Variants in C2orf69 observed in about 807,000 individuals in gnomAD.
The protein encoded by C2orf69 is mitochondrial protein C2orf69.
Under a neutral mutation model 29.5 loss-of-function variants are expected in C2orf69, and 19 were observed. That is an observed-to-expected ratio of 0.65 (90% CI 0.45 to 0.95). C2orf69 has a LOEUF of 0.95. C2orf69 is among the 40% of genes least tolerant of loss of function. The probability of loss-of-function intolerance (pLI) is 0.00; values close to 1 mark genes in which losing one functional copy is unlikely to be tolerated. For missense variants in C2orf69, 416 were observed against 482.1 expected, an observed-to-expected ratio of 0.86 and a Z score of 1.28; for synonymous variants, 194 against 180.0, an observed-to-expected ratio of 1.08 and a Z score of -0.62.
chr2:199,912,163 C>T (rs778105326), intron 1 of C2orf69, among the ~76,000 whole-genome samples: 45 of 152,042 alleles, frequency 3.0e-4, no homozygotes, highest in Non-Finnish European at 3.5e-4. Flanking sequence ...TAAGTTAGCA[C>T]GTAGTGTTTA....
At chr2:199,921,291 C>T (rs1370948891) in intron 1 of C2orf69, among the ~76,000 whole-genome samples, 2 of 152,026 alleles carry the variant, frequency 1.3e-5, no homozygotes, top group East Asian at 3.9e-4. Context: ...CAGACGTGAG[C>T]TACTGTGCCC....
Position 199,911,305 on chromosome 2 carries a change from C to G in C2orf69, c.-134C>G. 1 of 1,095,668 alleles carries G rather than the reference C, an allele frequency of 9.1e-7. No individual in the cohort carries two copies. The highest frequency in any genetic ancestry group is 1.2e-6 in the Non-Finnish European group (1 of 825,986). The allele number at this position is 1,095,668 out of a possible 1,614,324, so 67.9% of individuals were successfully genotyped here. Reference sequence around the variant, plus strand: ...CGCGGACGTCGGCCTCTGACGTCGTCGCCTCAGCGCCGGCTCCCGGCCGGG... The same window carrying G: ...CGCGGACGTCGGCCTCTGACGTCGTGGCCTCAGCGCCGGCTCCCGGCCGGG... On this transcript the variant is annotated 5_prime_UTR_variant, in exon 1 of 2. Transcript: ENST00000319974.
In C2orf69 at chr2:199,925,342, A is replaced by T; in HGVS notation, c.614A>T (p.Lys205Ile). 1 of 1,613,526 alleles carries T rather than the reference A, an allele frequency of 6.2e-7. No homozygotes were observed. Among genetic ancestry groups the T allele is most frequent in the Non-Finnish European group, 8.5e-7 (1 of 1,179,716 alleles). ...TTAAGTCAGAATAGTTTATCAAAGAAAAGTTTGAATGTTTGGAATAAGGAC... is the reference window on the plus strand; with the variant it reads ...TTAAGTCAGAATAGTTTATCAAAGATAAGTTTGAATGTTTGGAATAAGGAC... The part of the protein sequence containing the change: ...FNLSQNSLSK[K>I]SLNVWNKDSI... Residue 205 changes from lysine (K) to isoleucine (I), a missense_variant, in exon 2 of 2, where the codon AAA (lysine) becomes ATA (isoleucine). Coordinates refer to ENST00000319974, the MANE Select transcript of C2orf69 (RefSeq NM_153689.6). This position sits in a 1 kb window ranked among gnomAD's most constrained non-coding sequence, Gnocchi z 4.9.
At position 199,926,146 on chromosome 2, in the gene C2orf69, A is replaced by G; in HGVS notation, c.*260A>G. ...GTTTGTAATAATGCTGAGGAGATAT[A>G]AGACCCTTAAAATGAAAGTTACAAC... On this transcript the variant is annotated 3_prime_UTR_variant, in exon 2 of 2. Coordinates refer to ENST00000319974, the MANE Select transcript of C2orf69 (RefSeq NM_153689.6). 2 of 348,308 alleles carry G rather than the reference A, an allele frequency of 5.7e-6. No individual in the cohort carries two copies. The highest frequency in any genetic ancestry group is 1.1e-5 in the Non-Finnish European group (2 of 190,292). 21.6% of individuals were successfully genotyped at this position (348,308 alleles called of 1,614,324 possible). A position where few individuals can be genotyped will look rare whatever the true frequency, so the allele number is the denominator to read the frequency against.
chr2:199,922,373 C>T (rs1214127427), intron 1 of C2orf69, among the ~76,000 whole-genome samples: 1 of 152,002 alleles, frequency 6.6e-6, no homozygotes, highest in Non-Finnish European at 1.5e-5. Context: ...AGATTATAGG[C>T]GTGAACCGCC....
intron 1 of C2orf69, among the ~76,000 whole-genome samples, chr2:199,914,781 A>G (rs576532269): frequency 2.0e-5 from 3 of 152,270 alleles, no homozygotes; most frequent in East Asian, 3.9e-4. Flanking sequence ...ACAGCCTTCC[A>G]AGTAGATGAC....
intron 1 of C2orf69, among the ~76,000 whole-genome samples, chr2:199,914,486 C>G (rs1222180949): frequency 6.6e-6 from 1 of 152,084 alleles, no homozygotes; most frequent in Non-Finnish European, 1.5e-5. Context: ...TTCAGTGTAT[C>G]TAAAGTAATC....
Position 199,927,636 on chromosome 2 carries a change from A to G in C2orf69, c.*1750A>G. ...TTCTTTAAATACCTCGTTTCTTTTGAGACCAAAAATTCCCATCAAGGAAAT... is the reference window on the plus strand; with the variant it reads ...TTCTTTAAATACCTCGTTTCTTTTGGGACCAAAAATTCCCATCAAGGAAAT... On this transcript the variant is annotated 3_prime_UTR_variant, in exon 2 of 2. Transcript: ENST00000319974. The G allele has an allele frequency of 6.7e-6, 1 of 149,472 alleles. No homozygotes were observed. Among genetic ancestry groups the G allele is most frequent in the Non-Finnish European group, 1.5e-5 (1 of 67,588 alleles). 9.3% of individuals were successfully genotyped at this position (149,472 alleles called of 1,614,324 possible).
At position 199,926,843 on chromosome 2, in the gene C2orf69, CATT is replaced by C. The variant is rs925505712; in HGVS notation, c.*960_*962del. The stretch of plus-strand genomic sequence containing the variant: ...ACTACAGAGCAAATTTCAAATTTTT[CATT>C]ATATCAGTCTTTTTGAAAGGATCAA... On this transcript the variant is annotated 3_prime_UTR_variant, in exon 2 of 2. Coordinates refer to ENST00000319974, the MANE Select transcript of C2orf69 (RefSeq NM_153689.6). 3.3e-5 allele frequency: 5 copies of C among 152,482 alleles called. No individual in the cohort carries two copies. The highest frequency in any genetic ancestry group is 1.2e-4 in the African/African-American group (5 of 41,394). The allele number at this position is 152,482 out of a possible 1,614,324, so 9.4% of individuals were successfully genotyped here.
At chr2:199,911,824 C>T in intron 1 of C2orf69, 53 bp downstream of exon 1, 1 of 1,534,548 alleles carries the variant, frequency 6.5e-7, no homozygotes, top group Admixed American at 2.0e-5. Context: ...TATACGTACG[C>T]GGTCACTGAT....
intron 1 of C2orf69, among the ~76,000 whole-genome samples, chr2:199,912,859 T>C (rs925162466): frequency 6.6e-6 from 1 of 151,984 alleles, no homozygotes; most frequent in African/African-American, 2.4e-5. Flanking sequence ...CAGGCTGGTC[T>C]CGAACTTCTG....
chr2:199,923,527 G>A (rs973393860), intron 1 of C2orf69, among the ~76,000 whole-genome samples: 3 of 152,126 alleles, frequency 2.0e-5, no homozygotes, highest in African/African-American at 7.2e-5. Flanking sequence ...TACTTTTTCA[G>A]CTGTAAATTT....
At position 199,913,227 on chromosome 2, in the gene C2orf69, TA is replaced by T. The variant is rs1174949071; in HGVS notation, c.333+1457del. On this transcript the variant is annotated intron_variant, in intron 1 of 1. Transcript: ENST00000319974. ...TATATAATATATTATATATAATATA[TA>T]TTATAATATATATAATATATATTAT... 2.1e-4 allele frequency among the ~76,000 whole-genome samples: 12 copies of T among 57,082 alleles called. 1 individual carries two copies. Among genetic ancestry groups the T allele is most frequent in the African/African-American group, 8.1e-4 (12 of 14,882 alleles). The allele number at this position is 57,082 out of a possible 152,430, so 37.4% of individuals were successfully genotyped here.
chr2:199,912,673 C>G (rs1486542741), intron 1 of C2orf69, among the ~76,000 whole-genome samples: 1 of 152,080 alleles, frequency 6.6e-6, no homozygotes, highest in African/African-American at 2.4e-5. Flanking sequence ...CGGAGTCTTG[C>G]TTAGTTGCCC....
intron 1 of C2orf69, among the ~76,000 whole-genome samples, chr2:199,913,054 T>C (rs1259406493): frequency 6.8e-6 from 1 of 147,438 alleles, no homozygotes; most frequent in Non-Finnish European, 1.5e-5. Context: ...GATATAGATA[T>C]AGATATATAG....
intron 1 of C2orf69, among the ~76,000 whole-genome samples, chr2:199,915,353 C>T (rs1201822789): frequency 2.0e-5 from 3 of 152,186 alleles, no homozygotes; most frequent in Non-Finnish European, 4.4e-5. Context: ...AAGTGATCCT[C>T]CTGCCTCAGC....
At chr2:199,923,146 T>G (rs992467720) in intron 1 of C2orf69, among the ~76,000 whole-genome samples, 6 of 152,242 alleles carry the variant, frequency 3.9e-5, no homozygotes, top group African/African-American at 1.4e-4. Flanking sequence ...CCTTTCAAAC[T>G]ATCACTTTAT....
At position 199,911,394 on chromosome 2, in the gene C2orf69, C is replaced by T. The variant is rs753547843; in HGVS notation, c.-45C>T. 7.7e-6 allele frequency: 11 copies of T among 1,429,876 alleles called. No individual in the cohort carries two copies. The highest frequency in any genetic ancestry group is 6.0e-5 in the African/African-American group (4 of 66,370). The allele number at this position is 1,429,876 out of a possible 1,614,324, so 88.6% of individuals were successfully genotyped here. On this transcript the variant is annotated 5_prime_UTR_variant, in exon 1 of 2. Transcript: ENST00000319974. ...TGCTGAAGTCCCTCCCTCAGGAACC[C>T]CTCCGCCACCCTCCACCTCCGAACC...
intron 1 of C2orf69, among the ~76,000 whole-genome samples, chr2:199,914,296 C>T (rs1179976229): frequency 6.6e-6 from 1 of 152,088 alleles, no homozygotes; most frequent in Non-Finnish European, 1.5e-5. Flanking sequence ...ACGATTATTT[C>T]CTTTTGGATA....
Sources: gnomAD v4.1 joint callset for allele counts (sites outside exome capture counted in the v4.1 genomes callset) on GRCh38, gnomAD v4.1.1 for gene constraint, Gnocchi (gnomAD v3.1) non-coding constraint, MANE v1.5 for transcripts, NCBI Gene and HGNC (gene_info 2026-07-23, HGNC 2026-07-21) for gene names.